The following PDGFRB variants were observed in gnomAD, a reference collection of about 807,000 sequenced individuals.
PDGFRB encodes platelet-derived growth factor receptor beta.
In PDGFRB, 42 loss-of-function variants were observed where a neutral mutation model predicts 120.2. That is an observed-to-expected ratio of 0.35 (90% confidence interval 0.27 to 0.45). PDGFRB has a LOEUF of 0.45. Ranked by LOEUF, PDGFRB falls within the 20% of genes least tolerant of loss-of-function variation. The pLI, the probability that PDGFRB is intolerant of heterozygous loss-of-function variation, is 1.00. For synonymous variants in PDGFRB, 586 were observed against 606.8 expected (o/e 0.97, Z 0.50); for missense variants, 1,149 against 1,476.3 (o/e 0.78, Z 3.63).
intron 13 of PDGFRB, 107 bp from the exon 14 acceptor site, chr5:150,124,467 C>T: frequency 1.2e-6 from 1 of 819,022 alleles, no homozygotes. Context: ...GCTGCAAGAC[C>T]CAGGCAGCCT....
Position 150,124,266 on chromosome 5 carries a change from C to G in PDGFRB, c.2007G>C (p.Gly669=). 1.2e-6 allele frequency: 2 copies of G among 1,613,158 alleles called. No individual in the cohort carries two copies. The highest frequency in any genetic ancestry group is 1.7e-6 in the Non-Finnish European group (2 of 1,179,204). ...GCTCGGTACCTCCTTTGGTGCAGGC[C>G]CCCAACAGGTTGACCACGTTCAGGT... The part of the protein sequence containing the change: ...GPHLNVVNLL[G]ACTKGGPIYI... Residue 669 remains glycine, a synonymous_variant, in exon 14 of 23, where the codon GGG becomes GGC. Transcript: ENST00000261799.
chr5:150,142,304 A>G (rs1293360022), intron 1 of PDGFRB, among the ~76,000 whole-genome samples: 1 of 152,162 alleles, frequency 6.6e-6, no homozygotes, highest in South Asian at 2.1e-4. Flanking sequence ...CTGGTGGCTC[A>G]AGGCCCCAGG....
Position 150,115,746 on chromosome 5 carries a change from G to A in PDGFRB, c.*17C>T. The A allele has an allele frequency of 1.9e-6, 3 of 1,569,752 alleles. No homozygotes were observed. Among genetic ancestry groups the A allele is most frequent in the Non-Finnish European group, 2.6e-6 (3 of 1,156,462 alleles). ...CAGGGGGGGAGCTTCAGGCAGGGCA[G>A]GGTAGGGGCCAGCCCCCTACAGGAA... is the stretch of plus-strand genomic sequence containing the variant. On this transcript the variant is annotated 3_prime_UTR_variant, in exon 23 of 23. Transcript: ENST00000261799.
intron 1 of PDGFRB, among the ~76,000 whole-genome samples, chr5:150,149,247 G>A (rs1280884583): frequency 2.0e-5 from 3 of 152,234 alleles, no homozygotes; most frequent in African/African-American, 7.2e-5. Context: ...TGCAAGGCCA[G>A]TGTTGGGGAT....
chr5:150,127,855 A>AAAAAAC (rs1554108652), intron 10 of PDGFRB, among the ~76,000 whole-genome samples: 1 of 150,692 alleles, frequency 6.6e-6, no homozygotes, highest in Non-Finnish European at 1.5e-5. Flanking sequence ...AAAAAAAAAA[A>AAAAAAC]AAAACTTTGG....
At chr5:150,133,077 A>G in intron 6 of PDGFRB, 135 bp from the exon 7 acceptor site, 1 of 664,120 alleles carries the variant, frequency 1.5e-6, no homozygotes, top group Non-Finnish European at 2.6e-6. Context: ...CTGAGGTTGA[A>G]ATTGGGCTGG....
In PDGFRB at chr5:150,126,628, T is replaced by C; in HGVS notation, c.1580-14A>G. ...TAAAGGGCAAGGCTGGAGGCAGAGA[T>C]GAGAGCAGGCCATGAGCAAACTGGG... On this transcript the variant is annotated splice_polypyrimidine_tract_variant and intron_variant, in intron 10 of 22. Coordinates refer to ENST00000261799, the MANE Select transcript of PDGFRB (RefSeq NM_002609.4). 6.6e-7 allele frequency: 1 copy of C among 1,506,806 alleles called. No individual in the cohort carries two copies. Among genetic ancestry groups the C allele is most frequent in the African/African-American group, 1.4e-5 (1 of 72,960 alleles). 93.3% of individuals were successfully genotyped at this position (1,506,806 alleles called of 1,614,324 possible).
chr5:150,119,689 G>A (rs1760070497), intron 19 of PDGFRB, 123 bp from the exon 20 acceptor site: 3 of 674,632 alleles, frequency 4.4e-6, no homozygotes, highest in African/African-American at 1.8e-5. Flanking sequence ...AGTGCCCCTG[G>A]CATTTGGAAC....
intron 9 of PDGFRB, 126 bp downstream of exon 9, chr5:150,130,413 G>T: frequency 1.2e-6 from 1 of 863,668 alleles, no homozygotes; most frequent in Non-Finnish European, 1.8e-6. Flanking sequence ...TGGTGACCTG[G>T]CCTCCTAGGA....
intron 22 of PDGFRB, among the ~76,000 whole-genome samples, chr5:150,117,310 G>T (rs1353140155): frequency 6.6e-6 from 1 of 152,104 alleles, no homozygotes; most frequent in African/African-American, 2.4e-5. Context: ...TTGGGGCTAG[G>T]ACAGGACCTA....
chr5:150,122,266 C>A, intron 15 of PDGFRB: 1 of 531,658 alleles, frequency 1.9e-6, no homozygotes, highest in Non-Finnish European at 3.4e-6. Context: ...AGCTCACACC[C>A]AGAGGCGATT....
At position 150,121,039 on chromosome 5, in the gene PDGFRB, C is replaced by T; in HGVS notation, c.2464-29G>A. ...GGTTTGGGGAGAGGGGAGCTGAGGC[C>T]TTGGGGACAATTGTGGGGAAAGACC... On this transcript the variant is annotated intron_variant, in intron 17 of 22. Transcript: ENST00000261799. The surrounding 1 kb of genome is among the most constrained non-coding windows in gnomAD (Gnocchi z 4.1). 13 of 1,612,634 alleles carry T rather than the reference C, an allele frequency of 8.1e-6. No homozygotes were observed. The highest frequency in any genetic ancestry group is 1.1e-5 in the Non-Finnish European group (13 of 1,178,730).
At position 150,117,652 on chromosome 5, in the gene PDGFRB, C is replaced by T. The variant is rs748918501; in HGVS notation, c.3103G>A (p.Glu1035Lys). The change falls in exon 22 of 23, where the codon GAG (glutamate) becomes AAG (lysine). Residue 1035 changes from glutamate to lysine, a missense_variant. Physicochemically the swap from Glu to Lys is moderately conservative, Grantham distance 56. Transcript: ENST00000261799. ...CTGGGGGAACCCTCCAGTGGGCCCT[C>T]GTCAGCAACCTCGGGTTTGGGGTCA... is the stretch of plus-strand genomic sequence containing the variant. ...LPDPKPEVAD[E>K]GPLEGSPSLA... is the part of the protein sequence containing the mutation. 2.5e-6 allele frequency: 4 copies of T among 1,613,372 alleles called. No individual in the cohort carries two copies. The highest frequency in any genetic ancestry group is 2.2e-5 in the South Asian group (2 of 91,040).
At position 150,121,312 on chromosome 5, in the gene PDGFRB, C is replaced by G. The variant is rs2113890090; in HGVS notation, c.2355G>C (p.Arg785Ser). Residue 785 changes from arginine (R) to serine (S), a missense_variant, in exon 17 of 23, where the codon AGG becomes AGC. By Grantham distance (110) the Arg-to-Ser change is moderately radical. Around this residue, in one of 3 missense-constraint regions of PDGFRB, gnomAD observed 879 missense variants for 1,108.6 expected, o/e 0.79. Coordinates refer to ENST00000261799, the MANE Select transcript of PDGFRB (RefSeq NM_002609.4). The surrounding 1 kb of genome is among the most constrained non-coding windows in gnomAD (Gnocchi z 4.1). ...YDNYVPSAPERTCRATLINES... is the reference protein window; with the variant it reads ...YDNYVPSAPESTCRATLINES... ...CGTTGATCAAAGTTGCTCGGCAGGT[C>G]CTCTCAGGGGCTAGAGGAGAAGCAG... The G allele has an allele frequency of 6.6e-7, 1 of 1,517,966 alleles. No homozygotes were observed. The highest frequency in any genetic ancestry group is 9.2e-7 in the Non-Finnish European group (1 of 1,092,146). 94.0% of individuals were successfully genotyped at this position (1,517,966 alleles called of 1,614,324 possible). A position where few individuals can be genotyped will look rare whatever the true frequency, so the allele number is the denominator to read the frequency against.
At position 150,123,102 on chromosome 5, in the gene PDGFRB, C is replaced by G. The variant is rs200519248; in HGVS notation, c.2123G>C (p.Arg708Pro). 1 of 1,613,916 alleles carries G rather than the reference C, an allele frequency of 6.2e-7. No individual in the cohort carries two copies. Among genetic ancestry groups the G allele is most frequent in the Non-Finnish European group, 8.5e-7 (1 of 1,179,996 alleles). ...GTAGAGCTCCGCGCTGGGCGGGCGG[C>G]GCTTGTCGGAGTGGTGCTGCAGGAA... ...HTFLQHHSDK[R>P]RPPSAELYSN... The change falls in exon 15 of 23, where the codon CGC becomes CCC. Residue 708 changes from arginine to proline, a missense_variant. By Grantham distance (103) the Arg-to-Pro change is moderately radical. This residue lies in a region of PDGFRB where 879 missense variants were observed against 1,108.6 expected (regional missense o/e 0.79). Transcript: ENST00000261799.
At chr5:150,119,918 GGCT>G in intron 19 of PDGFRB, 91 bp downstream of exon 19, 1 of 760,514 alleles carries the variant, frequency 1.3e-6, no homozygotes, top group South Asian at 1.4e-5. Flanking sequence ...CCTGTATCAG[GGCT>G]CGTCCCATAG....
intron 10 of PDGFRB, among the ~76,000 whole-genome samples, chr5:150,129,470 G>C (rs1195327807): frequency 1.3e-5 from 2 of 152,190 alleles, no homozygotes; most frequent in African/African-American, 4.8e-5. Context: ...CAAGGAACAG[G>C]CATGCTCATG....
Position 150,121,137 on chromosome 5 carries a change from G to C in PDGFRB, c.2463+67C>G. ...AGGCCACCCTGGTGTGCTCTTGGAG[G>C]ATGCTGGCTGGCTGGGTGACCCACC... is the stretch of plus-strand genomic sequence containing the variant. On this transcript the variant is annotated intron_variant, in intron 17 of 22. Transcript: ENST00000261799. This position sits in a 1 kb window ranked among gnomAD's most constrained non-coding sequence, Gnocchi z 4.1. 1 of 1,349,008 alleles carries C rather than the reference G, an allele frequency of 7.4e-7. No homozygotes were observed. Among genetic ancestry groups the C allele is most frequent in the Non-Finnish European group, 1.1e-6 (1 of 938,244 alleles). The allele number at this position is 1,349,008 out of a possible 1,614,324, so 83.6% of individuals were successfully genotyped here. A position where few individuals can be genotyped will look rare whatever the true frequency, so the allele number is the denominator to read the frequency against.
At chr5:150,137,915 G>A (rs895156996) in intron 1 of PDGFRB, among the ~76,000 whole-genome samples, 1 of 152,104 alleles carries the variant, frequency 6.6e-6, no homozygotes, top group Non-Finnish European at 1.5e-5. Flanking sequence ...CAGAGAGGAG[G>A]TGCCCAGAGA....
Sources: gnomAD v4.1 joint callset for allele counts (sites outside exome capture counted in the v4.1 genomes callset) on GRCh38, gnomAD v4.1.1 for gene constraint, gnomAD v4.1.1 regional missense constraint, Gnocchi (gnomAD v3.1) non-coding constraint, MANE v1.5 for transcripts, NCBI Gene and HGNC (gene_info 2026-07-23, HGNC 2026-07-21) for gene names.